SCUBE2: variants seen among roughly 807,000 people sequenced by gnomAD.
SCUBE2 encodes signal peptide, CUB and EGF-like domain-containing protein 2.
SCUBE2 carries 114 observed loss-of-function variants against 125.9 expected under a neutral mutation model. The ratio of observed to expected loss-of-function variants is 0.91; its 90% confidence interval spans 0.78 to 1.06. The LOEUF (loss-of-function observed/expected upper bound fraction) is 1.06, where lower values mean the gene tolerates loss of function less well. Ranked by LOEUF, SCUBE2 falls within the 50% of genes least tolerant of loss-of-function variation. The pLI, the probability that SCUBE2 is intolerant of heterozygous loss-of-function variation, is 0.00. For missense variants in SCUBE2, 1,255 were observed against 1,301.8 expected, an observed-to-expected ratio of 0.96 and a Z score of 0.55; for synonymous variants, 459 against 492.9, an observed-to-expected ratio of 0.93 and a Z score of 0.91.
At chr11:9,087,466 T>C (rs1005098293) in intron 2 of SCUBE2, among the ~76,000 whole-genome samples, 2 of 152,102 alleles carry the variant, frequency 1.3e-5, no homozygotes, top group African/African-American at 4.8e-5. Context: ...AATCAGCAGA[T>C]AAATGTTCTG....
At chr11:9,025,372 C>T (rs373719638) in intron 21 of SCUBE2, 7 of 209,450 alleles carry the variant, frequency 3.3e-5, no homozygotes, top group Non-Finnish European at 5.7e-5. Context: ...TATCCTCATT[C>T]GCACATTAAG....
intron 3 of SCUBE2, 141 bp from the exon 4 acceptor site, chr11:9,074,756 G>A (rs1319935479): frequency 5.1e-5 from 52 of 1,010,256 alleles, no homozygotes; most frequent in South Asian, 4.1e-4. Context: ...AATCAAAGCC[G>A]GTAAGGTCCA....
chr11:9,079,411 A>T lies in SCUBE2; in HGVS notation c.355T>A (p.Leu119Met). 1 of 1,614,140 alleles carries T rather than the reference A, an allele frequency of 6.2e-7. No individual in the cohort carries two copies. Among genetic ancestry groups the T allele is most frequent in the Non-Finnish European group, 8.5e-7 (1 of 1,179,988 alleles). ...AGACAATTATGACCGTCATGAGCCA[A>T]CATGAAGCCATCAAAACAAGTGCAA... The part of the protein sequence containing the change: ...YRCTCFDGFM[L>M]AHDGHNCLDV... Residue 119 changes from leucine to methionine, a missense_variant, in exon 3 of 23, where the codon TTG becomes ATG. Leu to Met is a conservative substitution (Grantham distance 15, BLOSUM62 2). This residue lies in a region of SCUBE2 where 362 missense variants were observed against 323.0 expected (regional missense o/e 1.12). Coordinates refer to ENST00000649792, the MANE Select transcript of SCUBE2 (RefSeq NM_001367977.2).
chr11:9,053,813 A>G (rs1858693912), intron 10 of SCUBE2, 54 bp from the exon 11 acceptor site: 2 of 1,588,474 alleles, frequency 1.3e-6, no homozygotes, highest in South Asian at 2.2e-5. Context: ...ATGGGCTGAC[A>G]TGGTCCCTCC....
rs72549210 is a variant in SCUBE2, at chr11:9,056,016, A to G, written c.1091-107T>C. On this transcript the variant is annotated intron_variant, in intron 9 of 22. Transcript: ENST00000649792. ...CTGACCAACACCAAAAACAATACAC[A>G]CAGAGTAAAAAACATTATCTATCCA... is the stretch of plus-strand genomic sequence containing the variant. 2.4e-5 allele frequency: 20 copies of G among 821,838 alleles called. No homozygotes were observed. In the African/African-American group the frequency reaches 3.2e-4, roughly 13 times the overall value. The allele number at this position is 821,838 out of a possible 1,614,324, so 50.9% of individuals were successfully genotyped here.
intron 16 of SCUBE2, 44 bp downstream of exon 16, chr11:9,047,312 A>C (rs1344813464): frequency 6.2e-7 from 1 of 1,601,658 alleles, no homozygotes. Flanking sequence ...GTGTTTATGG[A>C]GCCCAAGGCT....
In SCUBE2 at chr11:9,059,388, A is replaced by G. The variant is rs537427840; in HGVS notation, c.1005T>C (p.Asp335=). The change falls in exon 9 of 23, where the codon GAT becomes GAC. Residue 335 remains aspartate, a synonymous_variant. Transcript: ENST00000649792. ...DECQTRNGGC[D]HFCKNIVGSF... The stretch of plus-strand genomic sequence containing the variant: ...TGCCCACGATGTTTTTGCAGAAATG[A>G]TCACAACCTCCATTGCGGGTCTGGC... The G allele has an allele frequency of 1.2e-6, 2 of 1,614,240 alleles. No homozygotes were observed. The highest frequency in any genetic ancestry group is 2.7e-5 in the African/African-American group (2 of 75,060).
intron 3 of SCUBE2, among the ~76,000 whole-genome samples, chr11:9,078,793 A>G (rs1428095959): frequency 1.3e-5 from 2 of 152,254 alleles, no homozygotes; most frequent in Non-Finnish European, 2.9e-5. Flanking sequence ...AACCCCATGC[A>G]GCTGCTAGCT....
At chr11:9,076,636 C>G (rs1183898792) in intron 3 of SCUBE2, among the ~76,000 whole-genome samples, 1 of 151,918 alleles carries the variant, frequency 6.6e-6, no homozygotes, top group Non-Finnish European at 1.5e-5. Context: ...TTTATTTTCT[C>G]CAGTCTAATT....
Position 9,030,087 on chromosome 11 carries a change from A to G in SCUBE2, c.2342-42T>C, listed in dbSNP as rs963619450. 8.2e-6 allele frequency: 13 copies of G among 1,584,148 alleles called. No individual in the cohort carries two copies. In the South Asian group the frequency reaches 1.4e-4, roughly 16 times the overall value. On this transcript the variant is annotated intron_variant, in intron 18 of 22. Coordinates refer to ENST00000649792, the MANE Select transcript of SCUBE2 (RefSeq NM_001367977.2). ...GGTGAAAAGAATGAAAAAAAGAAAGATTATTTTTAATCAAATGCAGCACAA... is the reference window on the plus strand; with the variant it reads ...GGTGAAAAGAATGAAAAAAAGAAAGGTTATTTTTAATCAAATGCAGCACAA...
intron 3 of SCUBE2, among the ~76,000 whole-genome samples, chr11:9,075,080 G>A (rs1861111028): frequency 6.6e-6 from 1 of 151,956 alleles, no homozygotes; most frequent in African/African-American, 2.4e-5. Flanking sequence ...GCTAGGCATG[G>A]TGGCACATGC....
intron 16 of SCUBE2, among the ~76,000 whole-genome samples, chr11:9,046,702 T>C (rs1221921912): frequency 6.6e-6 from 1 of 152,260 alleles, no homozygotes; most frequent in African/African-American, 2.4e-5. Context: ...GGGCTGTTTT[T>C]ACTTTTTTCC....
intron 2 of SCUBE2, among the ~76,000 whole-genome samples, chr11:9,081,082 T>C (rs189237864): frequency 2.0e-5 from 3 of 152,320 alleles, no homozygotes; most frequent in East Asian, 1.9e-4. Context: ...ATTAAAAAGA[T>C]AGACAATAAC....
intron 16 of SCUBE2, among the ~76,000 whole-genome samples, chr11:9,036,258 T>C (rs536234486): frequency 6.6e-6 from 1 of 152,370 alleles, no homozygotes; most frequent in Non-Finnish European, 1.5e-5. Context: ...AATATTATAA[T>C]GAGACTGATG....
rs530278019 is a variant in SCUBE2, at chr11:9,023,442, C to T, written c.2855-1487G>A. On this transcript the variant is annotated intron_variant, in intron 21 of 22. Transcript: ENST00000649792. Reference sequence around the variant, plus strand: ...TGAATTCCTCTGCGGCAGTATCTCTCCTCTTTTTGTTGATGGGACTTACCA... The same window carrying T: ...TGAATTCCTCTGCGGCAGTATCTCTTCTCTTTTTGTTGATGGGACTTACCA... 5.3e-5 allele frequency among the ~76,000 whole-genome samples: 8 copies of T among 152,278 alleles called. No individual in the cohort carries two copies. In the South Asian group the frequency reaches 1.7e-3, roughly 32 times the overall value.
chr11:9,091,467 AG>A lies in SCUBE2; in HGVS notation c.61del (p.Leu21CysfsTer26). On this transcript the variant is annotated frameshift_variant, in exon 1 of 23. Transcript: ENST00000649792. LOFTEE classifies it high-confidence loss of function. This position sits in a 1 kb window ranked among gnomAD's most constrained non-coding sequence, Gnocchi z 8.5. The stretch of plus-strand genomic sequence containing the variant: ...CGCCAGCAGCAGCAGTGGCGGCAGC[AG>A]CAGCAGCAGCAGCAGCACCGCCCAG... ...AAWAVLLLLLLLPPLLLLAGA... is the reference protein window; with the variant it reads ...AAWAVLLLLLXLPPLLLLAGA... The A allele has an allele frequency of 8.4e-7, 1 of 1,185,500 alleles. No homozygotes were observed. The highest frequency in any genetic ancestry group is 2.1e-5 in the South Asian group (1 of 46,600). The allele number at this position is 1,185,500 out of a possible 1,614,324, so 73.4% of individuals were successfully genotyped here. A position where few individuals can be genotyped will look rare whatever the true frequency, so the allele number is the denominator to read the frequency against.
chr11:9,068,462 G>A (rs1860469870), intron 5 of SCUBE2, among the ~76,000 whole-genome samples: 1 of 152,200 alleles, frequency 6.6e-6, no homozygotes, highest in Admixed American at 6.5e-5. Flanking sequence ...GAGGAAAAAT[G>A]AGGCAAGGTC....
intron 16 of SCUBE2, among the ~76,000 whole-genome samples, chr11:9,034,258 G>A (rs777891286): frequency 6.6e-6 from 1 of 152,230 alleles, no homozygotes; most frequent in Non-Finnish European, 1.5e-5. Flanking sequence ...TCACATTTGT[G>A]TCAGGCCTTG....
chr11:9,061,739 G>A (rs948457772), intron 7 of SCUBE2, among the ~76,000 whole-genome samples: 52 of 152,096 alleles, frequency 3.4e-4, no homozygotes, highest in African/African-American at 1.1e-3. Context: ...TAGGAGAAAA[G>A]ACAATAGATA....
Sources: allele counts gnomAD v4.1 joint callset (sites outside exome capture counted in the v4.1 genomes callset), GRCh38; gene constraint gnomAD v4.1.1; regional missense constraint gnomAD v4.1.1; non-coding constraint Gnocchi (gnomAD v3.1); transcripts MANE v1.5; gene names NCBI Gene and HGNC (gene_info 2026-07-23, HGNC 2026-07-21).